The following WDR76 variants were observed in gnomAD, a reference collection of about 807,000 sequenced individuals.
WDR76 encodes WD repeat domain 76, also known as WD repeat-containing protein 76.
Under a neutral mutation model 70.2 loss-of-function variants are expected in WDR76, and 52 were observed. The ratio of observed to expected loss-of-function variants is 0.74; its 90% confidence interval spans 0.59 to 0.93. The LOEUF (loss-of-function observed/expected upper bound fraction) is 0.93, where lower values mean the gene tolerates loss of function less well. WDR76 is among the 40% of genes least tolerant of loss of function. WDR76 has a pLI of 0.00. For missense variants in WDR76, 756 were observed against 760.2 expected, an observed-to-expected ratio of 0.99 and a Z score of 0.07; for synonymous variants, 292 against 271.1, an observed-to-expected ratio of 1.08 and a Z score of -0.76.
intron 10 of WDR76, among the ~76,000 whole-genome samples, chr15:43,857,957 CTGTCT>C (rs2087949634): frequency 8.0e-6 from 1 of 125,542 alleles, no homozygotes; most frequent in East Asian, 2.6e-4. Flanking sequence ...TTAGAGGGTT[CTGTCT>C]TTTTTTTTTT....
At chr15:43,855,272 A>AT (rs1312936067) in intron 9 of WDR76, among the ~76,000 whole-genome samples, 1 of 152,204 alleles carries the variant, frequency 6.6e-6, no homozygotes, top group East Asian at 1.9e-4. Flanking sequence ...ATTAAGCCTT[A>AT]TAACACCCTA....
chr15:43,858,223 G>A (rs1214080461), intron 10 of WDR76, among the ~76,000 whole-genome samples: 2 of 149,878 alleles, frequency 1.3e-5, no homozygotes, highest in Non-Finnish European at 3.0e-5. Flanking sequence ...GAGCCACCAT[G>A]CCTGGCCTTA....
chr15:43,856,672 A>G (rs1316551471), intron 9 of WDR76, among the ~76,000 whole-genome samples: 1 of 151,564 alleles, frequency 6.6e-6, no homozygotes, highest in Non-Finnish European at 1.5e-5. Context: ...TAGGGTAACT[A>G]TAGTTAACAA....
chr15:43,839,800 T>A, intron 5 of WDR76, 72 bp downstream of exon 5: 1 of 1,411,544 alleles, frequency 7.1e-7, no homozygotes, highest in Non-Finnish European at 9.5e-7. Context: ...GAAACTAGAC[T>A]AAAAGTTCAT....
intron 2 of WDR76, among the ~76,000 whole-genome samples, chr15:43,830,222 T>G (rs992592123): frequency 3.3e-5 from 5 of 152,140 alleles, no homozygotes; most frequent in African/African-American, 1.2e-4. Flanking sequence ...AGGACTGCAC[T>G]TTGATAACCA....
At chr15:43,839,765 A>C (rs1256834530) in intron 5 of WDR76, 37 bp downstream of exon 5, 1 of 1,540,130 alleles carries the variant, frequency 6.5e-7, no homozygotes, top group African/African-American at 1.4e-5. Context: ...TTAATGTAAT[A>C]AAATACTGAA....
intron 8 of WDR76, among the ~76,000 whole-genome samples, chr15:43,850,531 G>A (rs11856495): frequency 0.17 from 26,339 of 151,890 alleles, 3,258 homozygotes; most frequent in African/African-American, 0.34. Flanking sequence ...TCCTGACCTC[G>A]TGATCCGCCC....
At chr15:43,851,905 A>C (rs1003555160) in intron 9 of WDR76, among the ~76,000 whole-genome samples, 2 of 152,030 alleles carry the variant, frequency 1.3e-5, no homozygotes, top group Non-Finnish European at 2.9e-5. Flanking sequence ...CCTTGTCTCT[A>C]AAAAAAATTA....
intron 11 of WDR76, among the ~76,000 whole-genome samples, chr15:43,859,707 G>C (rs896657994): frequency 1.3e-5 from 2 of 152,188 alleles, no homozygotes; most frequent in African/African-American, 2.4e-5. Flanking sequence ...TTCCACTCAT[G>C]TAGTTTCCTT....
At chr15:43,860,318 C>T (rs2087980162) in intron 11 of WDR76, among the ~76,000 whole-genome samples, 1 of 152,202 alleles carries the variant, frequency 6.6e-6, no homozygotes, top group African/African-American at 2.4e-5. Flanking sequence ...ATCAGGCCTT[C>T]AGCTGATGAG....
At chr15:43,851,327 A>C in intron 9 of WDR76, 82 bp downstream of exon 9, 2 of 1,538,636 alleles carry the variant, frequency 1.3e-6, no homozygotes, top group Non-Finnish European at 1.8e-6. Flanking sequence ...TATTATACCA[A>C]TTGGGAGAAG....
intron 4 of WDR76, among the ~76,000 whole-genome samples, chr15:43,837,220 T>C (rs1422187480): frequency 2.0e-5 from 3 of 152,236 alleles, no homozygotes; most frequent in African/African-American, 7.2e-5. Context: ...CTCATTTGTT[T>C]AGTGCCAGTT....
chr15:43,839,355 C>T (rs1444135249), intron 4 of WDR76, among the ~76,000 whole-genome samples: 3 of 152,120 alleles, frequency 2.0e-5, no homozygotes, highest in Non-Finnish European at 4.4e-5. Flanking sequence ...CTATATCATT[C>T]TTTTTATGGC....
intron 5 of WDR76, among the ~76,000 whole-genome samples, chr15:43,840,575 A>AAG (rs1197623843): frequency 2.0e-5 from 3 of 152,218 alleles, no homozygotes; most frequent in Admixed American, 2.0e-4. Flanking sequence ...TGTAAATAGG[A>AAG]AGATAGCACT....
At chr15:43,850,530 C>T (rs377025408) in intron 8 of WDR76, among the ~76,000 whole-genome samples, 1 of 151,948 alleles carries the variant, frequency 6.6e-6, no homozygotes, top group East Asian at 1.9e-4. Context: ...CTCCTGACCT[C>T]GTGATCCGCC....
intron 12 of WDR76, 26 bp from the exon 13 acceptor site, chr15:43,866,102 A>C: frequency 6.2e-7 from 1 of 1,609,426 alleles, no homozygotes; most frequent in Non-Finnish European, 8.5e-7. Context: ...TACTTCATTT[A>C]AAAAATATAT....
intron 2 of WDR76, among the ~76,000 whole-genome samples, chr15:43,831,598 C>G (rs1173234203): frequency 6.6e-6 from 1 of 152,044 alleles, no homozygotes; most frequent in Non-Finnish European, 1.5e-5. Context: ...GCCACCATGC[C>G]TAGCTAATTT....
rs540220812 is a variant in WDR76 at position 43,835,211 on chromosome 15, A to T, written c.552+61A>T. ...GCCGGGAACAGTGGGTAGCGCCTGT[A>T]ATCCTGTCACTTGGGGAGGCTGACA... On this transcript the variant is annotated intron_variant, in intron 3 of 12. Transcript: ENST00000263795. The T allele has an allele frequency of 6.3e-5, 94 of 1,487,562 alleles. No homozygotes were observed. The African/African-American group carries it at 1.2e-3, about 19-fold the overall frequency. The allele number at this position is 1,487,562 out of a possible 1,614,324, so 92.1% of individuals were successfully genotyped here.
intron 5 of WDR76, among the ~76,000 whole-genome samples, chr15:43,841,876 G>T: frequency 6.7e-6 from 1 of 150,026 alleles, no homozygotes; most frequent in East Asian, 2.0e-4. Context: ...TTTGTTTTTT[G>T]TTTTTTTTTG....
Sources: allele counts gnomAD v4.1 joint callset (sites outside exome capture counted in the v4.1 genomes callset), GRCh38; gene constraint gnomAD v4.1.1; transcripts MANE v1.5; gene names NCBI Gene and HGNC (gene_info 2026-07-23, HGNC 2026-07-21).